ATXN1: variants seen among roughly 807,000 people sequenced by gnomAD.
ATXN1 encodes ataxin-1.
Under a neutral mutation model 56.4 loss-of-function variants are expected in ATXN1, and 8 were observed. The observed-to-expected ratio is 0.14, with a 90% CI of 0.08 to 0.26. The LOEUF (loss-of-function observed/expected upper bound fraction) is 0.26. Ranked by LOEUF, ATXN1 falls within the 10% of genes least tolerant of loss-of-function variation. ATXN1 has a pLI of 1.00. For synonymous variants in ATXN1, 514 were observed against 494.6 expected (o/e 1.04, Z -0.52); for missense variants, 987 against 1,106.5 (o/e 0.89, Z 1.53).
intron 3 of ATXN1, among the ~76,000 whole-genome samples, chr6:16,613,525 A>C (rs1475078961): frequency 6.6e-6 from 1 of 152,022 alleles, no homozygotes; most frequent in Non-Finnish European, 1.5e-5. Flanking sequence ...CTGTGTTAAC[A>C]AAATTTTGAA....
At chr6:16,503,654 T>C (rs2113676311) in intron 5 of ATXN1, among the ~76,000 whole-genome samples, 1 of 152,182 alleles carries the variant, frequency 6.6e-6, no homozygotes, top group East Asian at 1.9e-4. Flanking sequence ...TTCATAGTTA[T>C]ATTCCAGCTT....
At chr6:16,654,630 G>T (rs985656581) in intron 3 of ATXN1, among the ~76,000 whole-genome samples, 1 of 151,486 alleles carries the variant, frequency 6.6e-6, no homozygotes, top group Non-Finnish European at 1.5e-5. Flanking sequence ...GTAAGTGACA[G>T]CCAGGATTTG....
In ATXN1 at chr6:16,614,784, G is replaced by A. The variant is rs35012753; in HGVS notation, c.-488-28877C>T. Among the ~76,000 whole-genome samples the A allele has an allele frequency of 1.7e-3, 256 of 151,178 alleles. 1 individual carries two copies. The highest frequency in any genetic ancestry group is 5.6e-3 in the South Asian group (27 of 4,792). On this transcript the variant is annotated intron_variant, in intron 3 of 7. Coordinates refer to ENST00000436367, the MANE Select transcript of ATXN1 (RefSeq NM_001128164.2). ...CTAAAAATACAAAAATTAGCCAGGC[G>A]TGGTGTTGCATGCCTGTAATCCCAG...
chr6:16,360,497 C>A (rs148037711), intron 6 of ATXN1, among the ~76,000 whole-genome samples: 188 of 152,352 alleles, frequency 1.2e-3, no homozygotes, highest in African/African-American at 4.0e-3. Flanking sequence ...GAGCCTCCCA[C>A]ATCACGAAGC....
At chr6:16,335,419 C>T (rs576371996) in intron 6 of ATXN1, among the ~76,000 whole-genome samples, 2 of 152,178 alleles carry the variant, frequency 1.3e-5, no homozygotes, top group African/African-American at 2.4e-5. Context: ...TTTCCCTTCT[C>T]GGCTCTGCAC....
chr6:16,493,452 T>TG lies in ATXN1; in HGVS notation c.-298-7344_-298-7343insC, dbSNP rs1426556622. 2.7e-3 allele frequency among the ~76,000 whole-genome samples: 407 copies of TG among 152,054 alleles called. 2 individuals are homozygous for TG. The highest frequency in any genetic ancestry group is 4.3e-3 in the Non-Finnish European group (295 of 67,980). On this transcript the variant is annotated intron_variant, in intron 5 of 7. Coordinates refer to ENST00000436367, the MANE Select transcript of ATXN1 (RefSeq NM_001128164.2). ...ACAACTTTCTCAATCAGAAGTTTTT[T>TG]TTTTTTTTTTTTTGGTTGTTTTGTT...
At chr6:16,574,376 T>TA (rs1054247106) in intron 4 of ATXN1, among the ~76,000 whole-genome samples, 1 of 152,156 alleles carries the variant, frequency 6.6e-6, no homozygotes, top group Non-Finnish European at 1.5e-5. Flanking sequence ...CAGCTAATTT[T>TA]ATTTGTATTT....
chr6:16,684,875 G>T (rs1247180165), intron 2 of ATXN1, among the ~76,000 whole-genome samples: 1 of 150,528 alleles, frequency 6.6e-6, no homozygotes, highest in African/African-American at 2.4e-5. Context: ...GAAGAATTAA[G>T]GATTCTTCAT....
intron 3 of ATXN1, among the ~76,000 whole-genome samples, chr6:16,598,915 C>A (rs1762865027): frequency 6.6e-6 from 1 of 152,206 alleles, no homozygotes; most frequent in African/African-American, 2.4e-5. Flanking sequence ...TGGTGTCCAG[C>A]TGAAAAGAGG....
intron 6 of ATXN1, among the ~76,000 whole-genome samples, chr6:16,414,200 G>T (rs532548053): frequency 6.6e-6 from 1 of 152,152 alleles, no homozygotes; most frequent in Non-Finnish European, 1.5e-5. Flanking sequence ...GTACAGGAAC[G>T]GATTTCTGCT....
intron 6 of ATXN1, among the ~76,000 whole-genome samples, chr6:16,483,340 G>A (rs1197914132): frequency 6.6e-6 from 1 of 152,180 alleles, no homozygotes; most frequent in Admixed American, 6.5e-5. Flanking sequence ...CCCACTCCTA[G>A]ACCCTGTTTA....
chr6:16,398,503 GA>G (rs747779647), intron 6 of ATXN1, among the ~76,000 whole-genome samples: 15 of 152,100 alleles, frequency 9.9e-5, no homozygotes, highest in East Asian at 1.9e-4. Flanking sequence ...CACATTTCAT[GA>G]GGGGGAAAAC....
intron 6 of ATXN1, among the ~76,000 whole-genome samples, chr6:16,425,838 G>T (rs1759141574): frequency 1.3e-5 from 2 of 152,172 alleles, no homozygotes; most frequent in South Asian, 4.2e-4. Context: ...GCAATATCAG[G>T]GTCAGTGTTC....
rs374966291 is a variant in ATXN1, at chr6:16,574,590, C to T, written c.-361+11190G>A. ...GATCTCCTGACCTCAAGTGATCTGC[C>T]CACCTCGGCCTACCTAAGTGTCAAC... On this transcript the variant is annotated intron_variant, in intron 4 of 7. Transcript: ENST00000436367. 7.9e-5 allele frequency among the ~76,000 whole-genome samples: 12 copies of T among 152,262 alleles called. No individual in the cohort carries two copies. The South Asian group carries it at 1.7e-3, about 21-fold the overall frequency.
chr6:16,407,128 G>C (rs1758702691), intron 6 of ATXN1, among the ~76,000 whole-genome samples: 1 of 152,216 alleles, frequency 6.6e-6, no homozygotes, highest in African/African-American at 2.4e-5. Context: ...CATCCATGAG[G>C]AAGTTATAGC....
chr6:16,325,988 CT>C (rs2113407470), intron 7 of ATXN1, among the ~76,000 whole-genome samples: 1 of 152,356 alleles, frequency 6.6e-6, no homozygotes. Context: ...GCTTTAGCAT[CT>C]AATCCCCTCA....
intron 6 of ATXN1, among the ~76,000 whole-genome samples, chr6:16,369,068 A>T (rs1030061176): frequency 6.6e-6 from 1 of 152,228 alleles, no homozygotes; most frequent in Non-Finnish European, 1.5e-5. Flanking sequence ...CAATAAATTA[A>T]CCGCCTCTTC....
chr6:16,521,601 C>T (rs1761291902), intron 5 of ATXN1, among the ~76,000 whole-genome samples: 1 of 152,172 alleles, frequency 6.6e-6, no homozygotes, highest in South Asian at 2.1e-4. Context: ...AAATGTTTCT[C>T]AAAAGTCTCT....
chr6:16,387,367 T>C (rs1368006263), intron 6 of ATXN1, among the ~76,000 whole-genome samples: 1 of 152,134 alleles, frequency 6.6e-6, no homozygotes, highest in African/African-American at 2.4e-5. Flanking sequence ...ACAGATAATG[T>C]AGAGAGACAT....
Sources: allele counts gnomAD v4.1 joint callset (sites outside exome capture counted in the v4.1 genomes callset), GRCh38; gene constraint gnomAD v4.1.1; transcripts MANE v1.5; gene names NCBI Gene and HGNC (gene_info 2026-07-23, HGNC 2026-07-21).